Variants in RBPMS observed in about 807,000 individuals in gnomAD.
RBPMS encodes the protein RNA-binding protein with multiple splicing.
Under a neutral mutation model 26.8 loss-of-function variants are expected in RBPMS, and 7 were observed. The observed-to-expected ratio is 0.26, with a 90% CI of 0.15 to 0.49. The LOEUF (loss-of-function observed/expected upper bound fraction) is 0.49, where lower values mean the gene tolerates loss of function less well. RBPMS is among the 20% of genes least tolerant of loss of function. The probability of loss-of-function intolerance (pLI) is 0.98; values close to 1 mark genes in which losing one functional copy is unlikely to be tolerated. For synonymous variants in RBPMS, 96 were observed against 93.3 expected (o/e 1.03, Z -0.17); for missense variants, 186 against 250.0 (o/e 0.74, Z 1.73).
intron 4 of RBPMS, among the ~76,000 whole-genome samples, chr8:30,490,482 C>T (rs1224796405): frequency 2.0e-5 from 3 of 151,376 alleles, no homozygotes; most frequent in Admixed American, 6.6e-5. Context: ...TTTTTTGAGA[C>T]GGAGTCTCGC....
At chr8:30,441,990 A>T (rs927287473) in intron 1 of RBPMS, among the ~76,000 whole-genome samples, 4 of 151,824 alleles carry the variant, frequency 2.6e-5, no homozygotes, top group Non-Finnish European at 5.9e-5. Context: ...GGGTTTCACC[A>T]TGTTAGCCAG....
chr8:30,471,560 T>G (rs1343505134), intron 1 of RBPMS, among the ~76,000 whole-genome samples: 2 of 152,174 alleles, frequency 1.3e-5, no homozygotes, highest in Non-Finnish European at 2.9e-5. Context: ...TGTAATCCAG[T>G]TAGAACCTGG....
At chr8:30,481,935 T>C (rs935500913) in intron 4 of RBPMS, among the ~76,000 whole-genome samples, 16 of 152,222 alleles carry the variant, frequency 1.1e-4, no homozygotes, top group Non-Finnish European at 1.8e-4. Context: ...AGGAGGCAAC[T>C]AAAAGTAAAC....
intron 1 of RBPMS, among the ~76,000 whole-genome samples, chr8:30,448,995 G>A (rs1814207930): frequency 6.6e-6 from 1 of 152,182 alleles, no homozygotes; most frequent in African/African-American, 2.4e-5. Flanking sequence ...TTGAAGTCAG[G>A]CCTAGAAATT....
At chr8:30,470,148 C>T (rs917581104) in intron 1 of RBPMS, among the ~76,000 whole-genome samples, 1 of 151,876 alleles carries the variant, frequency 6.6e-6, no homozygotes, top group African/African-American at 2.4e-5. Flanking sequence ...CTTTGGGAGG[C>T]CAAGACGGGC....
At chr8:30,426,066 G>C (rs924245510) in intron 1 of RBPMS, among the ~76,000 whole-genome samples, 1 of 152,166 alleles carries the variant, frequency 6.6e-6, no homozygotes, top group African/African-American at 2.4e-5. Flanking sequence ...ACAGTCCCTT[G>C]ACTGCACTGC....
intron 1 of RBPMS, among the ~76,000 whole-genome samples, chr8:30,473,354 T>A (rs983226760): frequency 2.0e-5 from 3 of 152,218 alleles, no homozygotes; most frequent in Non-Finnish European, 1.5e-5. Flanking sequence ...CTCTGGTGTT[T>A]CCCCTGTGTT....
intron 5 of RBPMS, among the ~76,000 whole-genome samples, chr8:30,511,884 A>G (rs1821757931): frequency 6.6e-6 from 1 of 152,156 alleles, no homozygotes; most frequent in Non-Finnish European, 1.5e-5. Context: ...AAGGTGCATT[A>G]ACTGTAAAAT....
chr8:30,450,446 A>G lies in RBPMS; in HGVS notation c.67-24333A>G, dbSNP rs141642221. ...TTTGCTTTTACTCCCTAAACCCACA[A>G]CTGGACTTTGAGGAGGAGGTGGGAA... On this transcript the variant is annotated intron_variant, in intron 1 of 8. Transcript: ENST00000397323. 5.6e-3 allele frequency among the ~76,000 whole-genome samples: 858 copies of G among 152,220 alleles called. 7 individuals carry two copies. Among genetic ancestry groups the G allele is most frequent in the Non-Finnish European group, 9.3e-3 (631 of 68,004 alleles).
At chr8:30,564,281 G>A (rs1827727831) in intron 7 of RBPMS, 1 of 152,200 alleles carries the variant, frequency 6.6e-6, no homozygotes, top group South Asian at 2.1e-4. Context: ...AAAGTAAATG[G>A]ACTGGAAGTG....
chr8:30,559,727 T>C (rs1052131883), intron 7 of RBPMS, among the ~76,000 whole-genome samples: 1 of 152,234 alleles, frequency 6.6e-6, no homozygotes, highest in African/African-American at 2.4e-5. Flanking sequence ...TCTCTTGGTT[T>C]ACACAGTTCC....
At chr8:30,431,135 T>C (rs1811878064) in intron 1 of RBPMS, among the ~76,000 whole-genome samples, 2 of 152,150 alleles carry the variant, frequency 1.3e-5, no homozygotes, top group South Asian at 4.1e-4. Context: ...TTATTCTACA[T>C]ATACTGGGGA....
rs1212042251 is a variant in RBPMS, at chr8:30,386,909, A to G, written c.66+1751A>G. 2.6e-5 allele frequency among the ~76,000 whole-genome samples: 4 copies of G among 152,120 alleles called. No individual in the cohort carries two copies. The East Asian group carries it at 7.7e-4, about 29-fold the overall frequency. ...AAAGAGGTTCAATGTCCTAAAAATC[A>G]TACCCACATTAAAATTAAGTATAGA... On this transcript the variant is annotated intron_variant, in intron 1 of 8. Coordinates refer to ENST00000397323, the MANE Select transcript of RBPMS (RefSeq NM_001008710.3).
chr8:30,451,514 T>C (rs547371575), intron 1 of RBPMS, among the ~76,000 whole-genome samples: 35 of 152,286 alleles, frequency 2.3e-4, no homozygotes, highest in South Asian at 8.3e-4. Context: ...CTGATAGATA[T>C]GGATTATTAT....
At chr8:30,544,012 G>A (rs560793248) in intron 5 of RBPMS, among the ~76,000 whole-genome samples, 1 of 152,192 alleles carries the variant, frequency 6.6e-6, no homozygotes, top group Admixed American at 6.5e-5. Flanking sequence ...TTACTGACTT[G>A]TCAATAGTAA....
chr8:30,445,649 GATATAT>G (rs59580323), intron 1 of RBPMS, among the ~76,000 whole-genome samples: 1,339 of 107,220 alleles, frequency 0.012, 91 homozygotes, highest in African/African-American at 0.04. Context: ...TATACACACG[GATATAT>G]ATATATATAT....
At chr8:30,533,889 T>G (rs1432414781) in intron 5 of RBPMS, among the ~76,000 whole-genome samples, 1 of 152,176 alleles carries the variant, frequency 6.6e-6, no homozygotes, top group African/African-American at 2.4e-5. Flanking sequence ...ATCCCAGCAC[T>G]TTAGGAGGCC....
intron 1 of RBPMS, among the ~76,000 whole-genome samples, chr8:30,409,877 C>T (rs938719970): frequency 6.6e-6 from 1 of 151,312 alleles, no homozygotes; most frequent in Non-Finnish European, 1.5e-5. Context: ...GTGATCTGCC[C>T]ACCTTGGCCT....
chr8:30,494,741 C>T (rs7812836), intron 4 of RBPMS, among the ~76,000 whole-genome samples: 71,682 of 152,018 alleles, frequency 0.47, 17,004 homozygotes, highest in Middle Eastern at 0.58. Context: ...CTAGTTTTCT[C>T]GATACCTTTG....
Sources: gnomAD v4.1 joint callset for allele counts (sites outside exome capture counted in the v4.1 genomes callset) on GRCh38, gnomAD v4.1.1 for gene constraint, MANE v1.5 for transcripts, NCBI Gene and HGNC (gene_info 2026-07-23, HGNC 2026-07-21) for gene names.